Variants in GAB1 observed in about 807,000 individuals in gnomAD.
GAB1 encodes GRB2 associated binding protein 1, also known as GRB2-associated-binding protein 1.
GAB1 carries 19 observed loss-of-function variants against 66.5 expected under a neutral mutation model. The observed-to-expected ratio is 0.29, with a 90% CI of 0.20 to 0.42. The LOEUF is 0.42. GAB1 is among the 10% of genes least tolerant of loss of function. The pLI is 1.00. For missense variants in GAB1, 732 were observed against 858.5 expected (o/e 0.85, Z 1.84); for synonymous variants, 294 against 301.4 (o/e 0.98, Z 0.25).
At chr4:143,382,271 G>A (rs1313739710) in intron 1 of GAB1, among the ~76,000 whole-genome samples, 1 of 152,182 alleles carries the variant, frequency 6.6e-6, no homozygotes, top group Non-Finnish European at 1.5e-5. Flanking sequence ...ATTTCTCAGT[G>A]AAGCTGTATA....
At position 143,434,366 on chromosome 4, in the gene GAB1, C is replaced by CTT. The variant is rs11389050; in HGVS notation, c.593+666_593+667dup. On this transcript the variant is annotated intron_variant, in intron 3 of 9. Coordinates refer to ENST00000262994, the MANE Select transcript of GAB1 (RefSeq NM_002039.4). The stretch of plus-strand genomic sequence containing the variant: ...GCTTACCCTAAGCCTTTTTATTTAT[C>CTT]TTTTTTTTTTTTTTTTTAGGAGACA... Among the ~76,000 whole-genome samples the CTT allele has an allele frequency of 3.8e-3, 524 of 137,474 alleles. 2 individuals are homozygous for CTT. The highest frequency in any genetic ancestry group is 0.011 in the Middle Eastern group (3 of 268). The allele number at this position is 137,474 out of a possible 152,430, so 90.2% of individuals were successfully genotyped here. A position where few individuals can be genotyped will look rare whatever the true frequency, so the allele number is the denominator to read the frequency against.
chr4:143,367,036 C>CA (rs1307838322), intron 1 of GAB1, among the ~76,000 whole-genome samples: 1 of 152,158 alleles, frequency 6.6e-6, no homozygotes, highest in Non-Finnish European at 1.5e-5. Flanking sequence ...GTCCAGGCCA[C>CA]AGTTTTAGCT....
chr4:143,415,681 A>G lies in GAB1; in HGVS notation c.277A>G (p.Ile93Val), dbSNP rs1732641815. ...TTTTGATATCAACACTATTGACCGG[A>G]TTTTCTACTTGGTAGCAGACAGCGA... ...YIFDINTIDR[I>V]FYLVADSEEE... The change falls in exon 2 of 10, where the codon ATT becomes GTT. Residue 93 changes from isoleucine (I) to valine (V), a missense_variant. Transcript: ENST00000262994. The G allele has an allele frequency of 4.3e-6, 7 of 1,613,990 alleles. No homozygotes were observed. Among genetic ancestry groups the G allele is most frequent in the Non-Finnish European group, 5.9e-6 (7 of 1,179,926 alleles).
chr4:143,379,869 G>A (rs1448007090), intron 1 of GAB1, among the ~76,000 whole-genome samples: 3 of 151,776 alleles, frequency 2.0e-5, no homozygotes, highest in Non-Finnish European at 4.4e-5. Flanking sequence ...ACAGATGTGA[G>A]CCACTGTGCC....
intron 9 of GAB1, 26 bp from the exon 10 acceptor site, chr4:143,469,005 C>A: frequency 1.2e-6 from 2 of 1,611,382 alleles, no homozygotes; most frequent in Non-Finnish European, 1.7e-6. Flanking sequence ...ATATGTTGGA[C>A]TTTTTGTTTT....
chr4:143,388,662 A>T (rs1227641470), intron 1 of GAB1, among the ~76,000 whole-genome samples: 3 of 151,990 alleles, frequency 2.0e-5, no homozygotes, highest in African/African-American at 7.2e-5. Context: ...TGATCCGCCC[A>T]CCTCCACCTC....
chr4:143,365,258 G>A (rs1264707468), intron 1 of GAB1, among the ~76,000 whole-genome samples: 3 of 151,992 alleles, frequency 2.0e-5, no homozygotes, highest in Admixed American at 6.6e-5. Context: ...AGAAGGAGGG[G>A]GAAATGATAC....
At chr4:143,352,564 A>G (rs1037154253) in intron 1 of GAB1, among the ~76,000 whole-genome samples, 3 of 152,196 alleles carry the variant, frequency 2.0e-5, no homozygotes, top group Admixed American at 6.5e-5. Context: ...AGTGTGCATA[A>G]CAATCACTGG....
Position 143,438,147 on chromosome 4 carries a change from C to A in GAB1, c.742C>A (p.Arg248Ser). Residue 248 changes from arginine (R) to serine (S), a missense_variant, in exon 4 of 10, where the codon CGT (arginine) becomes AGT (serine). Transcript: ENST00000262994. ...QQMIYDSPPS[R>S]APSASVDSSL... ...AATGATATACGACTCTCCACCTTCACGTGCCCCATCTGCTTCAGTTGACTC... is the reference window on the plus strand; with the variant it reads ...AATGATATACGACTCTCCACCTTCAAGTGCCCCATCTGCTTCAGTTGACTC... The A allele has an allele frequency of 6.2e-7, 1 of 1,614,032 alleles. No homozygotes were observed. Among genetic ancestry groups the A allele is most frequent in the Non-Finnish European group, 8.5e-7 (1 of 1,179,972 alleles).
At chr4:143,467,838 A>G (rs1735871901) in intron 9 of GAB1, among the ~76,000 whole-genome samples, 1 of 152,142 alleles carries the variant, frequency 6.6e-6, no homozygotes, top group South Asian at 2.1e-4. Context: ...ATTGACATTC[A>G]TCCTAAAGCC....
At chr4:143,463,656 G>T (rs1173873619) in intron 8 of GAB1, among the ~76,000 whole-genome samples, 1 of 151,640 alleles carries the variant, frequency 6.6e-6, no homozygotes, top group Admixed American at 6.6e-5. Flanking sequence ...CACACTACTG[G>T]TTTGTTATTT....
chr4:143,471,830 GTAACACATCAGAATGTGCGTTTTTAT>G lies in GAB1; in HGVS notation c.*2644_*2669del, dbSNP rs1736094571. On this transcript the variant is annotated 3_prime_UTR_variant, in exon 10 of 10. Coordinates refer to ENST00000262994, the MANE Select transcript of GAB1 (RefSeq NM_002039.4). ...TCTCCAGTGTGGTAAAGTAGGGTAT[GTAACACATCAGAATGTGCGTTTTTAT>G]TAGGTTTTAAAATATGCACGTATAA... 1 of 152,138 alleles carries G rather than the reference GTAACACATCAGAATGTGCGTTTTTAT, an allele frequency of 6.6e-6. No individual in the cohort carries two copies. The highest frequency in any genetic ancestry group is 1.5e-5 in the Non-Finnish European group (1 of 68,000). 9.4% of individuals were successfully genotyped at this position (152,138 alleles called of 1,614,324 possible).
intron 1 of GAB1, among the ~76,000 whole-genome samples, chr4:143,350,908 A>G (rs1337773432): frequency 6.6e-6 from 1 of 152,182 alleles, no homozygotes; most frequent in Non-Finnish European, 1.5e-5. Context: ...TGTCCCCTCC[A>G]CGGGACATTT....
intron 9 of GAB1, 47 bp from the exon 10 acceptor site, chr4:143,468,984 A>G: frequency 6.3e-7 from 1 of 1,595,812 alleles, no homozygotes; most frequent in Non-Finnish European, 8.6e-7. Context: ...TGTACTCAGG[A>G]ACACTCCTTT....
chr4:143,469,616 G>T lies in GAB1; in HGVS notation c.*427G>T. Reference sequence around the variant, plus strand: ...TTAGATTTGGAAATTGCTGTTTACAGTCTAACAACATTAAAATGAGAGGTA... The same window carrying T: ...TTAGATTTGGAAATTGCTGTTTACATTCTAACAACATTAAAATGAGAGGTA... On this transcript the variant is annotated 3_prime_UTR_variant, in exon 10 of 10. Coordinates refer to ENST00000262994, the MANE Select transcript of GAB1 (RefSeq NM_002039.4). 6.1e-6 allele frequency: 1 copy of T among 164,872 alleles called. No homozygotes were observed. The highest frequency in any genetic ancestry group is 5.7e-5 in the Admixed American group (1 of 17,648). The allele number at this position is 164,872 out of a possible 1,614,324, so 10.2% of individuals were successfully genotyped here.
chr4:143,425,813 G>T (rs1439534612), intron 2 of GAB1: 5 of 866,594 alleles, frequency 5.8e-6, no homozygotes. Flanking sequence ...TGCCTTCTGT[G>T]CCTCTTCAGC....
chr4:143,355,668 T>A (rs1241459829), intron 1 of GAB1, among the ~76,000 whole-genome samples: 4 of 151,800 alleles, frequency 2.6e-5, no homozygotes, highest in African/African-American at 9.7e-5. Flanking sequence ...TTATGTGGGA[T>A]TTGCTCACCT....
chr4:143,437,413 T>C (rs552329667), intron 3 of GAB1, among the ~76,000 whole-genome samples: 3 of 152,212 alleles, frequency 2.0e-5, no homozygotes, highest in Non-Finnish European at 4.4e-5. Context: ...TTCGATCCTC[T>C]TTATAATGTT....
At chr4:143,341,491 C>T (rs1728821655) in intron 1 of GAB1, among the ~76,000 whole-genome samples, 1 of 152,174 alleles carries the variant, frequency 6.6e-6, no homozygotes, top group African/African-American at 2.4e-5. Context: ...CTCCATAGCC[C>T]AGCTGTCAGC....
Sources: gnomAD v4.1 joint callset for allele counts (sites outside exome capture counted in the v4.1 genomes callset) on GRCh38, gnomAD v4.1.1 for gene constraint, MANE v1.5 for transcripts, NCBI Gene and HGNC (gene_info 2026-07-23, HGNC 2026-07-21) for gene names.